The following SLC35F2 variants were observed in gnomAD, a reference collection of about 807,000 sequenced individuals.
The protein encoded by SLC35F2 is solute carrier family 35 member F2, also known as queuine/queuosine transporter SLC35F2.
SLC35F2 carries 25 observed loss-of-function variants against 38.1 expected under a neutral mutation model. The ratio of observed to expected loss-of-function variants is 0.66; its 90% CI spans 0.48 to 0.92. The LOEUF (loss-of-function observed/expected upper bound fraction) is 0.92, where lower values mean the gene tolerates loss of function less well. Ranked by LOEUF, SLC35F2 falls within the 40% of genes least tolerant of loss-of-function variation. The probability of loss-of-function intolerance (pLI) is 0.00; values close to 1 mark genes in which losing one functional copy is unlikely to be tolerated. For synonymous variants in SLC35F2, 173 were observed against 181.7 expected, an observed-to-expected ratio of 0.95 and a Z score of 0.38; for missense variants, 409 against 452.9, an observed-to-expected ratio of 0.90 and a Z score of 0.88.
Position 107,811,655 on chromosome 11 carries a change from G to A in SLC35F2, c.414+12C>T. 1 of 1,599,854 alleles carries A rather than the reference G, an allele frequency of 6.3e-7. No individual in the cohort carries two copies. The highest frequency in any genetic ancestry group is 1.1e-5 in the South Asian group (1 of 88,756). ...CTATAAAATCCAAAGTGGTCAGAGG[G>A]CTCCCTCTTACCTGGACACTGGTTA... On this transcript the variant is annotated intron_variant, in intron 3 of 7. Transcript: ENST00000525815.
intron 1 of SLC35F2, among the ~76,000 whole-genome samples, chr11:107,846,332 T>C (rs1402386028): frequency 1.3e-5 from 2 of 152,154 alleles, no homozygotes; most frequent in Non-Finnish European, 2.9e-5. Flanking sequence ...AAGTGAATGA[T>C]GATGATCCTG....
chr11:107,792,362 T>G lies in SLC35F2; in HGVS notation c.*253A>C, dbSNP rs933902149. 2.7e-6 allele frequency: 1 copy of G among 369,666 alleles called. No individual in the cohort carries two copies. The highest frequency in any genetic ancestry group is 2.1e-5 in the African/African-American group (1 of 47,170). 22.9% of individuals were successfully genotyped at this position (369,666 alleles called of 1,614,324 possible). On this transcript the variant is annotated 3_prime_UTR_variant, in exon 8 of 8. Coordinates refer to ENST00000525815, the MANE Select transcript of SLC35F2 (RefSeq NM_017515.5). The stretch of plus-strand genomic sequence containing the variant: ...GCCTCTAAGACCCCAGTGTGGAGTC[T>G]GCACCTCATCTCCTCAACACGAACA...
intron 1 of SLC35F2, among the ~76,000 whole-genome samples, chr11:107,819,476 C>G (rs758520558): frequency 6.6e-6 from 1 of 152,206 alleles, no homozygotes; most frequent in Non-Finnish European, 1.5e-5. Flanking sequence ...CTACCAGGCA[C>G]CAGCTGATGA....
intron 7 of SLC35F2, among the ~76,000 whole-genome samples, chr11:107,796,424 C>T (rs923896942): frequency 1.3e-5 from 2 of 152,110 alleles, no homozygotes; most frequent in African/African-American, 4.8e-5. Flanking sequence ...GATATATAAA[C>T]ACAATGGGAT....
At chr11:107,829,991 T>A (rs1372326631) in intron 1 of SLC35F2, among the ~76,000 whole-genome samples, 2 of 152,104 alleles carry the variant, frequency 1.3e-5, no homozygotes, top group African/African-American at 2.4e-5. Context: ...CCAGGCATGC[T>A]GGCTCACACT....
intron 1 of SLC35F2, among the ~76,000 whole-genome samples, chr11:107,833,290 G>C (rs1372239783): frequency 1.3e-5 from 2 of 152,142 alleles, no homozygotes; most frequent in African/African-American, 2.4e-5. Flanking sequence ...GGGAGGCTGA[G>C]GTGGGCAGAT....
intron 1 of SLC35F2, among the ~76,000 whole-genome samples, chr11:107,841,558 CAAAA>C (rs59699944): frequency 9.4e-5 from 9 of 95,508 alleles, no homozygotes; most frequent in Admixed American, 3.3e-4. Context: ...GACTCCAACT[CAAAA>C]AAAAAAAAAA....
chr11:107,815,583 A>AAC (rs1555083803), intron 2 of SLC35F2, among the ~76,000 whole-genome samples: 1 of 150,894 alleles, frequency 6.6e-6, no homozygotes, highest in Non-Finnish European at 1.5e-5. Context: ...CAACAACAAC[A>AAC]ACACACACAC....
rs759054647 is a variant in SLC35F2 at position 107,858,727 on chromosome 11, G to A, written c.41C>T (p.Pro14Leu). ...CTCGGCCGCCGCTCCCTCCGCGAGGGGCTCTGGGGCGCCGGGGCCCGCTGG... is the reference window on the plus strand; with the variant it reads ...CTCGGCCGCCGCTCCCTCCGCGAGGAGCTCTGGGGCGCCGGGGCCCGCTGG... ...DSPAGPGAPE[P>L]LAEGAAAEFS... is the part of the protein sequence containing the mutation. The change falls in exon 1 of 8, where the codon CCC (proline) becomes CTC (leucine). Residue 14 changes from proline (P) to leucine (L), a missense_variant. Pro to Leu is a moderately conservative substitution (Grantham distance 98, BLOSUM62 -3). Coordinates refer to ENST00000525815, the MANE Select transcript of SLC35F2 (RefSeq NM_017515.5). 1 of 1,292,790 alleles carries A rather than the reference G, an allele frequency of 7.7e-7. No homozygotes were observed. Among genetic ancestry groups the A allele is most frequent in the East Asian group, 2.9e-5 (1 of 34,824 alleles). The allele number at this position is 1,292,790 out of a possible 1,614,324, so 80.1% of individuals were successfully genotyped here.
intron 6 of SLC35F2, chr11:107,803,537 GTTTTC>G (rs1555082543): frequency 2.0e-6 from 2 of 979,990 alleles, no homozygotes; most frequent in African/African-American, 1.8e-5. Context: ...CACTCATTAT[GTTTTC>G]TTTGCTTTTG....
intron 1 of SLC35F2, among the ~76,000 whole-genome samples, chr11:107,841,974 G>A (rs933702080): frequency 2.0e-5 from 3 of 151,520 alleles, no homozygotes; most frequent in African/African-American, 4.9e-5. Flanking sequence ...GCTGAGGCAG[G>A]AGAATTGCGT....
At chr11:107,821,605 A>G in intron 1 of SLC35F2, 1 of 985,452 alleles carries the variant, frequency 1.0e-6, no homozygotes, top group Non-Finnish European at 1.2e-6. Context: ...GTCCTGGTTC[A>G]TGTGAATTCT....
At chr11:107,845,175 CCCA>C (rs1860086401) in intron 1 of SLC35F2, among the ~76,000 whole-genome samples, 1 of 152,042 alleles carries the variant, frequency 6.6e-6, no homozygotes, top group Admixed American at 6.6e-5. Context: ...TAGGAATATC[CCCA>C]CAATTCTCTG....
intron 6 of SLC35F2, chr11:107,803,573 A>G (rs1230988509): frequency 2.3e-6 from 2 of 856,274 alleles, no homozygotes; most frequent in East Asian, 1.3e-4. Flanking sequence ...CATGATTTGT[A>G]TAATTGGATT....
intron 1 of SLC35F2, among the ~76,000 whole-genome samples, chr11:107,856,432 C>T (rs1357123170): frequency 1.3e-5 from 2 of 152,094 alleles, no homozygotes; most frequent in Admixed American, 6.6e-5. Context: ...CGGTGGCTCA[C>T]GCCTGTAATC....
chr11:107,804,226 C>G (rs2134772557), intron 6 of SLC35F2, among the ~76,000 whole-genome samples: 1 of 152,174 alleles, frequency 6.6e-6, no homozygotes, highest in East Asian at 1.9e-4. Flanking sequence ...CTCCCCACCC[C>G]ATCATTAAAC....
At chr11:107,851,188 G>A (rs549715271) in intron 1 of SLC35F2, among the ~76,000 whole-genome samples, 8 of 151,784 alleles carry the variant, frequency 5.3e-5, no homozygotes, top group South Asian at 2.1e-4. Flanking sequence ...TCTTGAACCC[G>A]GGAGGCGGAG....
At chr11:107,842,017 G>T (rs1013945840) in intron 1 of SLC35F2, among the ~76,000 whole-genome samples, 2 of 151,136 alleles carry the variant, frequency 1.3e-5, no homozygotes, top group African/African-American at 4.9e-5. Context: ...AGTGAGCTGA[G>T]ATCGTGCCAC....
chr11:107,805,736 G>A (rs1859381057), intron 4 of SLC35F2: 1 of 894,456 alleles, frequency 1.1e-6, no homozygotes, highest in Non-Finnish European at 1.3e-6. Context: ...GGAGTGCAGT[G>A]GCGCAATCTC....
Sources: gnomAD v4.1 joint callset for allele counts (sites outside exome capture counted in the v4.1 genomes callset) on GRCh38, gnomAD v4.1.1 for gene constraint, MANE v1.5 for transcripts, NCBI Gene and HGNC (gene_info 2026-07-23, HGNC 2026-07-21) for gene names.